The following ZZEF1 variants were observed in gnomAD, a reference collection of about 807,000 sequenced individuals.
ZZEF1 encodes zinc finger ZZ-type and EF-hand domain-containing protein 1.
In ZZEF1, 157 loss-of-function variants were observed where a neutral mutation model predicts 342.8. The ratio of observed to expected loss-of-function variants is 0.46; its 90% CI spans 0.40 to 0.52. The LOEUF is 0.52. Ranked by LOEUF, ZZEF1 falls within the 20% of genes least tolerant of loss-of-function variation. The probability of loss-of-function intolerance (pLI) is 0.00; values close to 1 mark genes in which losing one functional copy is unlikely to be tolerated. For missense variants in ZZEF1, 3,480 were observed against 3,725.6 expected (o/e 0.93, Z 1.72); for synonymous variants, 1,505 against 1,429.1 (o/e 1.05, Z -1.20).
chr17:4,056,621 C>A (rs970046353), intron 32 of ZZEF1: 3 of 196,130 alleles, frequency 1.5e-5, no homozygotes, highest in African/African-American at 2.3e-5. Context: ...ACTGGACAAT[C>A]ATTTATGGTG....
chr17:4,118,840 T>A (rs1567857848), intron 2 of ZZEF1, among the ~76,000 whole-genome samples: 1 of 152,198 alleles, frequency 6.6e-6, no homozygotes, highest in Non-Finnish European at 1.5e-5. Flanking sequence ...CAGACTTATT[T>A]CCCACCCCCT....
rs116895658 is a variant in ZZEF1 at position 4,104,885 on chromosome 17, G to C, written c.1395-74C>G. ...TCCAGGTAGCTCAAACCCCATGTAA[G>C]TGATCAACACAAGTAACATTAACCT... On this transcript the variant is annotated intron_variant, in intron 7 of 54. Coordinates refer to ENST00000381638, the MANE Select transcript of ZZEF1 (RefSeq NM_015113.4). 8.3e-6 allele frequency: 11 copies of C among 1,318,088 alleles called. No homozygotes were observed. The South Asian group carries it at 1.4e-4, about 16-fold the overall frequency. 81.6% of individuals were successfully genotyped at this position (1,318,088 alleles called of 1,614,324 possible).
intron 13 of ZZEF1, among the ~76,000 whole-genome samples, chr17:4,087,783 A>AACAC (rs10522603): frequency 0.034 from 4,989 of 145,942 alleles, 137 homozygotes; most frequent in African/African-American, 0.062. Flanking sequence ...ATATACACAC[A>AACAC]ACACACACAC....
intron 52 of ZZEF1, among the ~76,000 whole-genome samples, chr17:4,012,687 G>T (rs1288448125): frequency 6.6e-6 from 1 of 152,186 alleles, no homozygotes; most frequent in Non-Finnish European, 1.5e-5. Context: ...CAGTGTCTAA[G>T]CATTGAGAGG....
chr17:4,018,427 C>CT lies in ZZEF1; in HGVS notation c.7506-457dup, dbSNP rs1006979506. Among the ~76,000 whole-genome samples, 336 of 149,680 alleles carry CT rather than the reference C, an allele frequency of 2.2e-3. 1 individual carries two copies. Among genetic ancestry groups the CT allele is most frequent in the African/African-American group, 6.9e-3 (282 of 40,834 alleles). On this transcript the variant is annotated intron_variant, in intron 46 of 54. Transcript: ENST00000381638. ...ACCATGCCTGGACTCCCCTTCTCTCCTTTTTTTTTTAAATTTAACAGAGTT... is the reference window on the plus strand; with the variant it reads ...ACCATGCCTGGACTCCCCTTCTCTCCTTTTTTTTTTTAAATTTAACAGAGTT...
chr17:4,034,325 C>T, intron 39 of ZZEF1, 33 bp from the exon 40 acceptor site: 1 of 1,606,894 alleles, frequency 6.2e-7, no homozygotes, highest in Non-Finnish European at 8.5e-7. Context: ...CTGTTCAGTA[C>T]AAAATCCACA....
At chr17:4,086,971 T>A (rs1222081148) in intron 14 of ZZEF1, among the ~76,000 whole-genome samples, 2 of 152,138 alleles carry the variant, frequency 1.3e-5, no homozygotes, top group Admixed American at 6.5e-5. Flanking sequence ...CATCTCAGCC[T>A]CCCAGGTTCA....
At chr17:4,137,763 C>T (rs2058776464) in intron 1 of ZZEF1, among the ~76,000 whole-genome samples, 1 of 152,186 alleles carries the variant, frequency 6.6e-6, no homozygotes, top group African/African-American at 2.4e-5. Flanking sequence ...CACAGCAAGG[C>T]CAGACAGTAT....
intron 45 of ZZEF1, chr17:4,020,002 C>T: frequency 2.3e-6 from 1 of 429,884 alleles, no homozygotes; most frequent in Middle Eastern, 5.8e-4. Flanking sequence ...ACTAAAACCC[C>T]AAAGAAATAT....
intron 1 of ZZEF1, among the ~76,000 whole-genome samples, chr17:4,141,377 C>T (rs1308116221): frequency 3.3e-5 from 5 of 152,172 alleles, no homozygotes; most frequent in Admixed American, 1.3e-4. Context: ...TGCAAGTACC[C>T]GCTGGTTTAC....
chr17:4,120,428 A>C (rs778124125), intron 2 of ZZEF1, among the ~76,000 whole-genome samples: 1 of 152,238 alleles, frequency 6.6e-6, no homozygotes, highest in South Asian at 2.1e-4. Context: ...TGTTCTCCAG[A>C]GGGACAGAAA....
At chr17:4,121,061 G>C (rs963731003) in intron 2 of ZZEF1, among the ~76,000 whole-genome samples, 1 of 152,180 alleles carries the variant, frequency 6.6e-6, no homozygotes, top group Non-Finnish European at 1.5e-5. Flanking sequence ...CTGATGAAAA[G>C]TTTTGAGTAG....
chr17:4,096,275 C>G (rs368236704), intron 10 of ZZEF1, among the ~76,000 whole-genome samples: 1 of 151,914 alleles, frequency 6.6e-6, no homozygotes, highest in Non-Finnish European at 1.5e-5. Flanking sequence ...CAATGAATAA[C>G]CAATGACATG....
At chr17:4,011,553 TTG>T (rs887271578) in intron 52 of ZZEF1, among the ~76,000 whole-genome samples, 2 of 151,566 alleles carry the variant, frequency 1.3e-5, no homozygotes, top group African/African-American at 4.8e-5. Context: ...GGTTTTTTTT[TTG>T]TGTGTGTGTG....
chr17:4,084,464 T>C (rs2057782398), intron 16 of ZZEF1, among the ~76,000 whole-genome samples: 1 of 152,208 alleles, frequency 6.6e-6, no homozygotes, highest in African/African-American at 2.4e-5. Flanking sequence ...AAGAGTGGCC[T>C]ATAATTTTGC....
At chr17:4,138,259 A>G (rs906893007) in intron 1 of ZZEF1, among the ~76,000 whole-genome samples, 8 of 152,216 alleles carry the variant, frequency 5.3e-5, no homozygotes, top group East Asian at 3.9e-4. Context: ...TTAAAAGGGC[A>G]GATAATCACA....
rs1421373005 is a variant in ZZEF1, at chr17:4,064,729, G to A, written c.4350C>T (p.Thr1450=). ...GCTTGTTGAGTGGCTGGAGATGACT[G>A]GTTTCATCAGCAGTCTCCAACTTTT... ...SCEKLETADE[T]SHLQPLNKRQ... is the part of the protein sequence containing the mutation. The change falls in exon 29 of 55, where the codon ACC becomes ACT. Residue 1450 remains threonine (T), a synonymous_variant. Transcript: ENST00000381638. The A allele has an allele frequency of 6.2e-7, 1 of 1,614,072 alleles. No individual in the cohort carries two copies. The highest frequency in any genetic ancestry group is 1.7e-5 in the Admixed American group (1 of 60,018).
intron 1 of ZZEF1, 31 bp from the exon 2 acceptor site, chr17:4,124,082 G>A: frequency 2.5e-6 from 4 of 1,582,210 alleles, no homozygotes; most frequent in Non-Finnish European, 3.4e-6. Flanking sequence ...GAAAATCAGG[G>A]CTGTTTCAAG....
At chr17:4,053,971 A>G (rs2057103467) in intron 34 of ZZEF1, 86 bp downstream of exon 34, 9 of 1,459,518 alleles carry the variant, frequency 6.2e-6, no homozygotes, top group South Asian at 5.6e-5. Flanking sequence ...GATTTAGTAC[A>G]CTGAGAGTTT....
Sources: gnomAD v4.1 joint callset for allele counts (sites outside exome capture counted in the v4.1 genomes callset) on GRCh38, gnomAD v4.1.1 for gene constraint, MANE v1.5 for transcripts, NCBI Gene and HGNC (gene_info 2026-07-23, HGNC 2026-07-21) for gene names.